The following PTGR2 variants were observed in gnomAD, a reference collection of about 807,000 sequenced individuals.
The protein encoded by PTGR2 is prostaglandin reductase 2, also known as 15-oxoprostaglandin 13-reductase.
In PTGR2, 32 loss-of-function variants were observed where a neutral mutation model predicts 43.4. That is an observed-to-expected ratio of 0.74 (90% CI 0.56 to 0.99). PTGR2 has a LOEUF of 0.99. Ranked by LOEUF, PTGR2 falls within the 50% of genes least tolerant of loss-of-function variation. The pLI is 0.00. For missense variants in PTGR2, 373 were observed against 420.0 expected (o/e 0.89, Z 0.98); for synonymous variants, 106 against 139.2 (o/e 0.76, Z 1.68).
chr14:73,877,613 G>GT (rs3076728), intron 5 of PTGR2: 18,237 of 147,056 alleles, frequency 0.12, 1,291 homozygotes, highest in Admixed American at 0.2. Flanking sequence ...TGTAGAAATG[G>GT]TTTTTTTTTT....
intron 3 of PTGR2, among the ~76,000 whole-genome samples, chr14:73,868,343 A>G (rs959315634): frequency 6.6e-6 from 1 of 152,080 alleles, no homozygotes; most frequent in African/African-American, 2.4e-5. Flanking sequence ...GGCTCAGAGA[A>G]GCCTGCCAAT....
chr14:73,874,599 GT>G (rs1447226487), intron 4 of PTGR2: 2 of 456,244 alleles, frequency 4.4e-6, no homozygotes, highest in Non-Finnish European at 8.8e-6. Context: ...GGTTGTCACT[GT>G]GTTGCCCCGG....
chr14:73,871,184 C>T (rs533289840), intron 3 of PTGR2, among the ~76,000 whole-genome samples: 5 of 152,092 alleles, frequency 3.3e-5, no homozygotes, highest in Non-Finnish European at 7.3e-5. Context: ...TATATAATGA[C>T]GCCTTCATCA....
intron 3 of PTGR2, among the ~76,000 whole-genome samples, chr14:73,873,402 T>A (rs1052714353): frequency 2.8e-4 from 42 of 152,192 alleles, no homozygotes; most frequent in African/African-American, 9.6e-4. Flanking sequence ...CACATACTTA[T>A]TGTTTGTGGT....
Position 73,874,017 on chromosome 14 carries a change from T to A in PTGR2, c.157-6T>A, listed in dbSNP as rs774617076. ...ATAAAATTATCTTAATGTTTTCTTT[T>A]TTCAGCGTTGTAGAATGAATGAAGA... On this transcript the variant is annotated splice_region_variant and splice_polypyrimidine_tract_variant and intron_variant, in intron 3 of 9. Transcript: ENST00000555661. 6.4e-7 allele frequency: 1 copy of A among 1,566,492 alleles called. No individual in the cohort carries two copies. Among genetic ancestry groups the A allele is most frequent in the Non-Finnish European group, 8.6e-7 (1 of 1,160,636 alleles).
chr14:73,867,088 C>CAAAAAAAAAAAA (rs200945001), intron 3 of PTGR2, among the ~76,000 whole-genome samples: 4 of 100,096 alleles, frequency 4.0e-5, no homozygotes, highest in Non-Finnish European at 5.8e-5. Context: ...GACTCTGTCT[C>CAAAAAAAAAAAA]AAAAAAAAAA....
chr14:73,876,012 G>A (rs1211058429), intron 4 of PTGR2, among the ~76,000 whole-genome samples: 1 of 150,744 alleles, frequency 6.6e-6, no homozygotes, highest in African/African-American at 2.4e-5. Context: ...GTAGAGACGG[G>A]GTTTCACCAT....
intron 9 of PTGR2, among the ~76,000 whole-genome samples, chr14:73,882,800 CTTTTTTTTTTTTTTTTTTTTTTT>C (rs35651032): frequency 2.2e-4 from 9 of 41,826 alleles, no homozygotes; most frequent in African/African-American, 8.4e-4. Context: ...ACGCCTGGCC[CTTTTTTTTTTTTTTTTTTTTTTT>C]TTTTTTTTTT....
intron 1 of PTGR2, among the ~76,000 whole-genome samples, chr14:73,855,807 C>T (rs1827518138): frequency 6.6e-6 from 1 of 150,446 alleles, no homozygotes. Context: ...CCTGTAATCC[C>T]AGCACTTTGG....
chr14:73,871,179 A>T (rs2054717481), intron 3 of PTGR2, among the ~76,000 whole-genome samples: 1 of 152,096 alleles, frequency 6.6e-6, no homozygotes, highest in South Asian at 2.1e-4. Flanking sequence ...ATGTCTATAT[A>T]ATGACGCCTT....
intron 2 of PTGR2, among the ~76,000 whole-genome samples, chr14:73,859,649 AT>A (rs1566634803): frequency 1.3e-5 from 2 of 151,506 alleles, no homozygotes; most frequent in Non-Finnish European, 2.9e-5. Context: ...CATGCCTCAA[AT>A]TTTTTAATTT....
intron 3 of PTGR2, among the ~76,000 whole-genome samples, chr14:73,868,638 T>C (rs1024875784): frequency 4.6e-5 from 7 of 151,968 alleles, no homozygotes; most frequent in African/African-American, 1.2e-4. Context: ...CTGCCTTAAA[T>C]CACCTCAGGG....
At chr14:73,870,858 A>G (rs2054710650) in intron 3 of PTGR2, among the ~76,000 whole-genome samples, 1 of 152,182 alleles carries the variant, frequency 6.6e-6, no homozygotes, top group East Asian at 1.9e-4. Context: ...TGTTCTGTTG[A>G]CATCATTTGT....
At chr14:73,877,312 T>G (rs1428402028) in intron 5 of PTGR2, 144 bp downstream of exon 5, 1 of 671,680 alleles carries the variant, frequency 1.5e-6, no homozygotes, top group East Asian at 3.0e-5. Context: ...GTCTCCAGGC[T>G]GGAGTGCAGT....
rs542371088 is a variant in PTGR2, at chr14:73,870,435, C to T, written c.157-3588C>T. Reference sequence around the variant, plus strand: ...CCTCAGGTGATCTGCCCGCCTTGGCCTCCCAGAGTGCTGGGATTACAGACA... The same window carrying T: ...CCTCAGGTGATCTGCCCGCCTTGGCTTCCCAGAGTGCTGGGATTACAGACA... On this transcript the variant is annotated intron_variant, in intron 3 of 9. Coordinates refer to ENST00000555661, the MANE Select transcript of PTGR2 (RefSeq NM_001146154.2). Among the ~76,000 whole-genome samples the T allele has an allele frequency of 3.8e-3, 579 of 152,234 alleles. 5 individuals carry two copies. Among genetic ancestry groups the T allele is most frequent in the African/African-American group, 0.014 (563 of 41,544 alleles).
At chr14:73,877,267 A>C in intron 5 of PTGR2, 99 bp downstream of exon 5, 3 of 1,142,898 alleles carry the variant, frequency 2.6e-6, no homozygotes, top group Non-Finnish European at 3.7e-6. Context: ...AAAATATAAA[A>C]TTGGATAAAT....
chr14:73,881,087 A>G (rs1261323804), intron 7 of PTGR2, 118 bp from the exon 8 acceptor site: 3 of 620,218 alleles, frequency 4.8e-6, no homozygotes, highest in South Asian at 2.3e-5. Context: ...ATCAGACTCA[A>G]TGTGTTATGT....
At position 73,870,283 on chromosome 14, in the gene PTGR2, A is replaced by T. The variant is rs959437815; in HGVS notation, c.157-3740A>T. 2.0e-5 allele frequency among the ~76,000 whole-genome samples: 3 copies of T among 146,418 alleles called. No homozygotes were observed. In the East Asian group the frequency reaches 6.2e-4, roughly 30 times the overall value. ...CACCTCTGCCTCCCGGGTTCAAGTG[A>T]TTCTCCTGCCTCAGCCTTCTGAATA... On this transcript the variant is annotated intron_variant, in intron 3 of 9. Coordinates refer to ENST00000555661, the MANE Select transcript of PTGR2 (RefSeq NM_001146154.2).
At chr14:73,869,858 T>A (rs1309424286) in intron 3 of PTGR2, among the ~76,000 whole-genome samples, 1 of 152,130 alleles carries the variant, frequency 6.6e-6, no homozygotes, top group Non-Finnish European at 1.5e-5. Flanking sequence ...AAACACCGTC[T>A]CTACGAAAAC....
Sources: gnomAD v4.1 joint callset for allele counts (sites outside exome capture counted in the v4.1 genomes callset) on GRCh38, gnomAD v4.1.1 for gene constraint, MANE v1.5 for transcripts, NCBI Gene and HGNC (gene_info 2026-07-23, HGNC 2026-07-21) for gene names.